Variants in SBF2 observed in about 807,000 individuals in gnomAD.
SBF2 encodes the protein SET binding factor 2.
Under a neutral mutation model 225.2 loss-of-function variants are expected in SBF2, and 112 were observed. The observed-to-expected ratio is 0.50, with a 90% CI of 0.43 to 0.58. The LOEUF (loss-of-function observed/expected upper bound fraction) is 0.58, where lower values mean the gene tolerates loss of function less well. Among genes scored for constraint, SBF2 ranks in the 20% least tolerant of loss-of-function variants. The pLI, the probability that SBF2 is intolerant of heterozygous loss-of-function variation, is 0.00. For synonymous variants in SBF2, 763 were observed against 773.3 expected (o/e 0.99, Z 0.22); for missense variants, 1,996 against 2,206.2 (o/e 0.90, Z 1.91).
At chr11:10,184,454 C>CAGAGAGCCAGA (rs1956856055) in intron 2 of SBF2, among the ~76,000 whole-genome samples, 1 of 152,130 alleles carries the variant, frequency 6.6e-6, no homozygotes, top group Non-Finnish European at 1.5e-5. Flanking sequence ...AAAAAGTTAA[C>CAGAGAGCCAGA]TACAGTAAAA....
At chr11:9,952,548 A>T (rs1423195371) in intron 16 of SBF2, among the ~76,000 whole-genome samples, 1 of 152,164 alleles carries the variant, frequency 6.6e-6, no homozygotes. Flanking sequence ...CTAAGTAAAG[A>T]TCACTCATCT....
intron 16 of SBF2, among the ~76,000 whole-genome samples, chr11:9,902,315 C>T (rs1317450225): frequency 6.6e-6 from 1 of 152,228 alleles, no homozygotes; most frequent in Non-Finnish European, 1.5e-5. Flanking sequence ...TTCTACTCTA[C>T]TGACATCAAG....
chr11:10,293,547 A>G (rs1048661820), intron 1 of SBF2, among the ~76,000 whole-genome samples: 1 of 152,200 alleles, frequency 6.6e-6, no homozygotes, highest in Non-Finnish European at 1.5e-5. Context: ...GGGGTGAGTT[A>G]GCACTGGACT....
At chr11:10,052,592 C>T (rs185682961) in intron 2 of SBF2, among the ~76,000 whole-genome samples, 7 of 152,232 alleles carry the variant, frequency 4.6e-5, no homozygotes, top group Non-Finnish European at 7.4e-5. Flanking sequence ...TACAAACACC[C>T]GCTTTGTTTA....
intron 16 of SBF2, among the ~76,000 whole-genome samples, chr11:9,950,479 G>C (rs1590579886): frequency 6.6e-6 from 1 of 152,250 alleles, no homozygotes; most frequent in African/African-American, 2.4e-5. Context: ...TCAACTCTAG[G>C]TATATATCAA....
At position 10,066,324 on chromosome 11, in the gene SBF2, ATATATCTATATATC is replaced by A. The variant is rs1310980468; in HGVS notation, c.142-23357_142-23344del. ...ACAGTTGTAAAAATACTAAATATCTATATATCTATATATCTATATCTATATATATATATCTTTTA... is the reference window on the plus strand; with the variant it reads ...ACAGTTGTAAAAATACTAAATATCTATATATCTATATATATATATCTTTTA... On this transcript the variant is annotated intron_variant, in intron 2 of 39. Coordinates refer to ENST00000256190, the MANE Select transcript of SBF2 (RefSeq NM_030962.4). Among the ~76,000 whole-genome samples, 5 of 150,462 alleles carry A rather than the reference ATATATCTATATATC, an allele frequency of 3.3e-5. No homozygotes were observed. The East Asian group carries it at 5.8e-4, about 17-fold the overall frequency.
chr11:9,907,315 G>A (rs1862195024), intron 16 of SBF2, among the ~76,000 whole-genome samples: 1 of 152,082 alleles, frequency 6.6e-6, no homozygotes, highest in Non-Finnish European at 1.5e-5. Context: ...ACAAGCTGCT[G>A]CTTTAGTCAA....
chr11:10,279,096 G>A (rs1204013574), intron 1 of SBF2, among the ~76,000 whole-genome samples: 3 of 103,326 alleles, frequency 2.9e-5, no homozygotes, highest in Non-Finnish European at 6.1e-5. Flanking sequence ...AACAAGACCC[G>A]GTCTTGTATT....
chr11:10,205,918 C>G (rs1191160837), intron 1 of SBF2, among the ~76,000 whole-genome samples: 1 of 151,918 alleles, frequency 6.6e-6, no homozygotes, highest in Non-Finnish European at 1.5e-5. Flanking sequence ...CATTTTGTTT[C>G]TATGGGCTTA....
At chr11:10,079,340 T>C (rs1478208834) in intron 2 of SBF2, among the ~76,000 whole-genome samples, 1 of 152,204 alleles carries the variant, frequency 6.6e-6, no homozygotes, top group South Asian at 2.1e-4. Flanking sequence ...AGTATCTACA[T>C]TTACAGGATA....
intron 1 of SBF2, among the ~76,000 whole-genome samples, chr11:10,274,237 T>C (rs1962777212): frequency 6.6e-6 from 1 of 152,178 alleles, no homozygotes; most frequent in South Asian, 2.1e-4. Context: ...AGGCGCTCCT[T>C]CCGCTGTCAA....
intron 3 of SBF2, among the ~76,000 whole-genome samples, chr11:10,035,140 T>A (rs1949387734): frequency 6.6e-6 from 1 of 151,740 alleles, no homozygotes; most frequent in African/African-American, 2.4e-5. Context: ...AATTTTTTCT[T>A]TTTTTTTGTA....
chr11:10,165,599 T>C (rs986167115), intron 2 of SBF2, among the ~76,000 whole-genome samples: 1 of 152,200 alleles, frequency 6.6e-6, no homozygotes, highest in Non-Finnish European at 1.5e-5. Flanking sequence ...ACTGTAGCAT[T>C]GTACACTGTA....
In SBF2 at chr11:10,070,020, A is replaced by G. The variant is rs552467689; in HGVS notation, c.142-27039T>C. On this transcript the variant is annotated intron_variant, in intron 2 of 39. Coordinates refer to ENST00000256190, the MANE Select transcript of SBF2 (RefSeq NM_030962.4). ...GTTGATGGGGTTGTTTTTTTCTTGT[A>G]AATTTGTTTAAGTTCTTTGTAGATT... Among the ~76,000 whole-genome samples, 802 of 152,030 alleles carry G rather than the reference A, an allele frequency of 5.3e-3. 8 individuals are homozygous for G. Among genetic ancestry groups the G allele is most frequent in the Non-Finnish European group, 6.6e-3 (450 of 67,992 alleles).
At chr11:10,004,567 C>T (rs1301136987) in intron 6 of SBF2, among the ~76,000 whole-genome samples, 2 of 61,646 alleles carry the variant, frequency 3.2e-5, no homozygotes, top group African/African-American at 1.2e-4. Context: ...AAGATAGCTA[C>T]AAAAATTAAA....
intron 2 of SBF2, among the ~76,000 whole-genome samples, chr11:10,092,977 T>A (rs1951844628): frequency 6.6e-6 from 1 of 152,032 alleles, no homozygotes. Flanking sequence ...CTGTGTATGA[T>A]TCAAGTATTG....
intron 2 of SBF2, among the ~76,000 whole-genome samples, chr11:10,166,651 G>C (rs957575877): frequency 2.0e-5 from 3 of 152,080 alleles, no homozygotes; most frequent in Non-Finnish European, 4.4e-5. Context: ...GAAAGTAATA[G>C]AATTATTTTT....
At chr11:9,932,943 A>C in intron 16 of SBF2, among the ~76,000 whole-genome samples, 1 of 135,470 alleles carries the variant, frequency 7.4e-6, no homozygotes, top group South Asian at 2.5e-4. Flanking sequence ...GAGATCTACC[A>C]AGCAAACGAA....
chr11:9,935,299 A>C (rs1221689579), intron 16 of SBF2, among the ~76,000 whole-genome samples: 1 of 152,210 alleles, frequency 6.6e-6, no homozygotes, highest in Non-Finnish European at 1.5e-5. Context: ...TCAACGAAAT[A>C]AAAGAGGACA....
Sources: allele counts gnomAD v4.1 joint callset (sites outside exome capture counted in the v4.1 genomes callset), GRCh38; gene constraint gnomAD v4.1.1; transcripts MANE v1.5; gene names NCBI Gene and HGNC (gene_info 2026-07-23, HGNC 2026-07-21).